Variants in CNIH3 observed in about 807,000 individuals in gnomAD.
CNIH3 encodes the protein cornichon family AMPA receptor auxiliary protein 3.
CNIH3 carries 14 observed loss-of-function variants against 24.1 expected under a neutral mutation model. That is an observed-to-expected ratio of 0.58 (90% confidence interval 0.38 to 0.91). CNIH3 has a LOEUF of 0.91. Among genes scored for constraint, CNIH3 ranks in the 40% least tolerant of loss-of-function variants. The probability of loss-of-function intolerance (pLI) is 0.00; values close to 1 mark genes in which losing one functional copy is unlikely to be tolerated. For missense variants in CNIH3, 178 were observed against 196.8 expected, an observed-to-expected ratio of 0.90 and a Z score of 0.57; for synonymous variants, 68 against 73.8, an observed-to-expected ratio of 0.92 and a Z score of 0.40.
downstream of CNIH3, among the ~76,000 whole-genome samples, chr1:224,590,077 A>G (rs1267550336): frequency 1.3e-5 from 2 of 152,036 alleles, no homozygotes; most frequent in Non-Finnish European, 2.9e-5. Flanking sequence ...GGGTTTCACT[A>G]TGTTGGCCAG....
chr1:224,638,043 G>A (rs1441978136), intron 1 of CNIH3, among the ~76,000 whole-genome samples: 13 of 152,258 alleles, frequency 8.5e-5, no homozygotes, highest in Admixed American at 7.8e-4. Flanking sequence ...CTGCTTTTGA[G>A]TGTAACTGAA....
intron 3 of CNIH3, among the ~76,000 whole-genome samples, chr1:224,603,662 G>A (rs1572562345): frequency 1.3e-5 from 2 of 152,248 alleles, no homozygotes; most frequent in East Asian, 1.9e-4. Flanking sequence ...TTTTGTCAGC[G>A]TGCAAGAGAC....
chr1:224,554,704 C>T (rs1200411199), intron 3 of CNIH3, among the ~76,000 whole-genome samples: 1 of 151,986 alleles, frequency 6.6e-6, no homozygotes, highest in Non-Finnish European at 1.5e-5. Context: ...CCACCTCAGC[C>T]TCTTGAGTAG....
At chr1:224,444,581 C>G (rs996225333) in intron 1 of CNIH3, among the ~76,000 whole-genome samples, 2 of 151,956 alleles carry the variant, frequency 1.3e-5, no homozygotes, top group African/African-American at 4.8e-5. Flanking sequence ...AACTCCTGAC[C>G]GTGTGATCCA....
intron 1 of CNIH3, among the ~76,000 whole-genome samples, chr1:224,628,285 A>G (rs949639531): frequency 1.3e-5 from 2 of 152,156 alleles, no homozygotes; most frequent in Non-Finnish European, 2.9e-5. Context: ...TAAAATACGT[A>G]TATGACATTT....
intron 4 of CNIH3, among the ~76,000 whole-genome samples, chr1:224,582,799 C>T (rs900507339): frequency 2.0e-5 from 3 of 152,158 alleles, no homozygotes; most frequent in Non-Finnish European, 2.9e-5. Flanking sequence ...AGGTTTGGAG[C>T]TGCCATGTAT....
intron 1 of CNIH3, among the ~76,000 whole-genome samples, chr1:224,444,801 C>T (rs544544270): frequency 2.6e-3 from 394 of 151,978 alleles, no homozygotes; most frequent in Non-Finnish European, 3.7e-3. Flanking sequence ...TGCGCCACCA[C>T]GCCCGGCTAA....
At chr1:224,655,891 A>G (rs1343299148) in intron 1 of CNIH3, among the ~76,000 whole-genome samples, 1 of 152,198 alleles carries the variant, frequency 6.6e-6, no homozygotes, top group Non-Finnish European at 1.5e-5. Flanking sequence ...GGAAGCAAAC[A>G]TGAAGGTTGT....
chr1:224,639,994 C>T (rs145266680), intron 1 of CNIH3, among the ~76,000 whole-genome samples: 115 of 152,272 alleles, frequency 7.6e-4, no homozygotes, highest in African/African-American at 2.6e-3. Flanking sequence ...GACATGTACC[C>T]CTGCCTTTAA....
chr1:224,547,511 G>A (rs1292682809), intron 3 of CNIH3, among the ~76,000 whole-genome samples: 1 of 152,018 alleles, frequency 6.6e-6, no homozygotes, highest in Non-Finnish European at 1.5e-5. Context: ...TACACCCTGT[G>A]ATAGTATTAG....
In CNIH3 at chr1:224,470,087, C is replaced by T. The variant is rs567427260; in HGVS notation, n.203+35225C>T. Among the ~76,000 whole-genome samples the T allele has an allele frequency of 3.7e-3, 559 of 151,190 alleles. 4 individuals carry two copies. The highest frequency in any genetic ancestry group is 0.013 in the African/African-American group (523 of 41,186). On this transcript the variant is annotated intron_variant and non_coding_transcript_variant, in intron 1 of 5. Coordinates refer to the CNIH3 transcript ENST00000471578. Reference sequence around the variant, plus strand: ...AGGCTGGAGTTCAGTGGCGCGATCTCGGCTCACTGCAAGCTCTGCTTCCCG... The same window carrying T: ...AGGCTGGAGTTCAGTGGCGCGATCTTGGCTCACTGCAAGCTCTGCTTCCCG...
chr1:224,622,554 G>A (rs577322682), intron 1 of CNIH3, among the ~76,000 whole-genome samples: 65 of 152,352 alleles, frequency 4.3e-4, no homozygotes, highest in Non-Finnish European at 6.2e-4. Context: ...GAGGAGAGGA[G>A]AGAAGTGTGC....
intron 2 of CNIH3, among the ~76,000 whole-genome samples, chr1:224,529,951 G>A (rs980544113): frequency 5.9e-5 from 9 of 152,186 alleles, no homozygotes; most frequent in Non-Finnish European, 8.8e-5. Context: ...ACATGGACCC[G>A]AAGATCCATG....
intron 3 of CNIH3, among the ~76,000 whole-genome samples, chr1:224,728,824 G>A (rs573783123): frequency 2.0e-5 from 3 of 152,310 alleles, no homozygotes; most frequent in East Asian, 3.9e-4. Context: ...TATGCACTTG[G>A]TCATTTCAAT....
chr1:224,513,422 C>G (rs1366300046), upstream of CNIH3, among the ~76,000 whole-genome samples: 1 of 151,698 alleles, frequency 6.6e-6, no homozygotes, highest in African/African-American at 2.4e-5. Flanking sequence ...TCAACTGATC[C>G]TCCTGCCTCA....
rs540319717 is a variant in CNIH3, at chr1:224,469,164, T to C, written n.203+34302T>C. The stretch of plus-strand genomic sequence containing the variant: ...GGTGCAATCATGGCTCACTGCAGCC[T>C]TTACTTTCTGGCGTCAAGTGATCCT... On this transcript the variant is annotated intron_variant and non_coding_transcript_variant, in intron 1 of 5. Transcript: ENST00000471578. Among the ~76,000 whole-genome samples the C allele has an allele frequency of 4.6e-5, 7 of 152,286 alleles. No individual in the cohort carries two copies. The East Asian group carries it at 1.2e-3, about 25-fold the overall frequency.
intron 1 of CNIH3, chr1:224,436,815 G>T (rs1674688669): frequency 6.6e-6 from 1 of 152,180 alleles, no homozygotes; most frequent in African/African-American, 2.4e-5. Flanking sequence ...ATTCTGTCTT[G>T]CTCACCACAG....
intron 1 of CNIH3, among the ~76,000 whole-genome samples, chr1:224,618,786 C>G (rs761902769): frequency 3.8e-4 from 58 of 152,150 alleles, no homozygotes; most frequent in Non-Finnish European, 5.9e-5. Flanking sequence ...AAAACAATTC[C>G]GCTATTTAGA....
At chr1:224,613,029 C>T (rs1414738766), upstream of CNIH3, among the ~76,000 whole-genome samples, 2 of 152,156 alleles carry the variant, frequency 1.3e-5, no homozygotes, top group African/African-American at 2.4e-5. Context: ...GACAGGCTCT[C>T]GCTTTGTCAC....
Sources: allele counts gnomAD v4.1 joint callset (sites outside exome capture counted in the v4.1 genomes callset), GRCh38; gene constraint gnomAD v4.1.1; transcripts MANE v1.5; gene names NCBI Gene and HGNC (gene_info 2026-07-23, HGNC 2026-07-21).